The following COL28A1 variants were observed in gnomAD, a reference collection of about 807,000 sequenced individuals.
COL28A1 encodes collagen alpha-1(XXVIII) chain.
COL28A1 carries 161 observed loss-of-function variants against 150.2 expected under a neutral mutation model. The ratio of observed to expected loss-of-function variants is 1.07; its 90% CI spans 0.94 to 1.22. COL28A1 has a LOEUF of 1.22. Ranked by LOEUF, COL28A1 falls within the 50% of genes most tolerant of loss-of-function variation. The pLI, the probability that COL28A1 is intolerant of heterozygous loss-of-function variation, is 0.00. For synonymous variants in COL28A1, 552 were observed against 469.7 expected, an observed-to-expected ratio of 1.18 and a Z score of -2.26; for missense variants, 1,617 against 1,388.3, an observed-to-expected ratio of 1.16 and a Z score of -2.62.
chr7:7,511,008 A>C (rs1781102886), intron 9 of COL28A1, 83 bp downstream of exon 9: 1 of 1,081,502 alleles, frequency 9.2e-7, no homozygotes, highest in East Asian at 2.4e-5. Context: ...AGATCACCAT[A>C]ATTCAGCCCA....
At position 7,358,646 on chromosome 7, in the gene COL28A1, C is replaced by A. The variant is rs962636979; in HGVS notation, c.3365G>T (p.Cys1122Phe). The A allele has an allele frequency of 6.2e-7, 1 of 1,613,764 alleles. No individual in the cohort carries two copies. Among genetic ancestry groups the A allele is most frequent in the East Asian group, 2.2e-5 (1 of 44,866 alleles). The change falls in exon 35 of 35, where the codon TGC becomes TTC. Residue 1122 changes from cysteine (C) to phenylalanine (F), a missense_variant. By Grantham distance (205) the Cys-to-Phe change is radical. Coordinates refer to ENST00000399429, the MANE Select transcript of COL28A1 (RefSeq NM_001037763.3). Reference protein sequence around the residue: ...FNSEKECQETCIQG With the variant: ...FNSEKECQETFIQG ...CAATTTACTTGCTCATCCTTGAATGCAGGTTTCTTGACATTCCTTTTCACT... is the reference window on the plus strand; with the variant it reads ...CAATTTACTTGCTCATCCTTGAATGAAGGTTTCTTGACATTCCTTTTCACT...
At chr7:7,475,199 G>T (rs1014851847) in intron 14 of COL28A1, among the ~76,000 whole-genome samples, 3 of 151,994 alleles carry the variant, frequency 2.0e-5, no homozygotes, top group Non-Finnish European at 4.4e-5. Context: ...GTTACATGAC[G>T]TAAGTGAACA....
At chr7:7,543,618 A>C in the COL28A1 span, among the ~76,000 whole-genome samples, 1 of 152,178 alleles carries the variant, frequency 6.6e-6, no homozygotes, top group East Asian at 1.9e-4. Context: ...ATATAGCAGC[A>C]TACCACTATG....
intron 23 of COL28A1, among the ~76,000 whole-genome samples, chr7:7,433,127 T>C (rs1164118731): frequency 6.6e-6 from 1 of 152,130 alleles, no homozygotes; most frequent in South Asian, 2.1e-4. Flanking sequence ...TAGGGAAAAG[T>C]TGTAAATATT....
chr7:7,522,231 T>G (rs1454436278), intron 4 of COL28A1: 1 of 472,904 alleles, frequency 2.1e-6, no homozygotes, highest in Non-Finnish European at 3.9e-6. Context: ...AATTTCAGCA[T>G]AGTTAAATAA....
At chr7:7,415,492 T>C (rs896372123) in intron 27 of COL28A1, among the ~76,000 whole-genome samples, 2 of 152,208 alleles carry the variant, frequency 1.3e-5, no homozygotes, top group Admixed American at 6.5e-5. Context: ...TGCTACCAAC[T>C]GGATGCCAGG....
chr7:7,454,244 A>C (rs1051796246), intron 16 of COL28A1, among the ~76,000 whole-genome samples: 8 of 152,156 alleles, frequency 5.3e-5, no homozygotes, highest in African/African-American at 1.9e-4. Context: ...TTCCCTCATA[A>C]ACACATGAGG....
chr7:7,449,621 G>T (rs960600183), intron 18 of COL28A1, among the ~76,000 whole-genome samples: 2 of 151,658 alleles, frequency 1.3e-5, no homozygotes, highest in Non-Finnish European at 1.5e-5. Context: ...GACTGAAAAA[G>T]CAAGAGATTC....
At chr7:7,407,171 G>T (rs1233094982) in intron 27 of COL28A1, among the ~76,000 whole-genome samples, 1 of 151,866 alleles carries the variant, frequency 6.6e-6, no homozygotes, top group Non-Finnish European at 1.5e-5. Flanking sequence ...ATATAAAAAA[G>T]ATATGTATAG....
intron 20 of COL28A1, among the ~76,000 whole-genome samples, chr7:7,442,099 T>C (rs1478862136): frequency 6.6e-6 from 1 of 152,210 alleles, no homozygotes; most frequent in African/African-American, 2.4e-5. Context: ...CTATGTAACA[T>C]GTTCCTACCA....
chr7:7,513,954 C>G (rs1357523283), intron 8 of COL28A1, among the ~76,000 whole-genome samples: 3 of 152,216 alleles, frequency 2.0e-5, no homozygotes, highest in Non-Finnish European at 4.4e-5. Flanking sequence ...CAGATCAGCT[C>G]TGTTCTCAGC....
At chr7:7,448,443 T>A (rs371031721) in intron 18 of COL28A1, among the ~76,000 whole-genome samples, 1 of 151,710 alleles carries the variant, frequency 6.6e-6, no homozygotes, top group South Asian at 2.1e-4. Context: ...ACTATAATTC[T>A]ATAACCAGAA....
intron 25 of COL28A1, among the ~76,000 whole-genome samples, chr7:7,428,431 G>A (rs1784762649): frequency 6.6e-6 from 1 of 152,168 alleles, no homozygotes; most frequent in South Asian, 2.1e-4. Context: ...CCTTTTCTAT[G>A]AGGCCAGAAA....
At position 7,466,134 on chromosome 7, in the gene COL28A1, G is replaced by A. The variant is rs1274395459; in HGVS notation, c.1302+8467C>T. Among the ~76,000 whole-genome samples, 3 of 135,300 alleles carry A rather than the reference G, an allele frequency of 2.2e-5. No individual in the cohort carries two copies. The Admixed American group carries it at 2.3e-4, about 11-fold the overall frequency. The allele number at this position is 135,300 out of a possible 152,430, so 88.8% of individuals were successfully genotyped here. A position where few individuals can be genotyped will look rare whatever the true frequency, so the allele number is the denominator to read the frequency against. ...GACTTTGAAGAGCTGAGAGAAGAAG[G>A]CTTCAGACGATCAAATTACTCTGAG... On this transcript the variant is annotated intron_variant, in intron 15 of 34. Coordinates refer to ENST00000399429, the MANE Select transcript of COL28A1 (RefSeq NM_001037763.3).
chr7:7,431,286 G>T (rs1214517196), intron 25 of COL28A1: 1 of 243,864 alleles, frequency 4.1e-6, no homozygotes, highest in Non-Finnish European at 8.5e-6. Flanking sequence ...CTACTGAATG[G>T]TACACCTAGT....
chr7:7,401,323 A>G (rs1317540808), intron 27 of COL28A1, among the ~76,000 whole-genome samples: 2 of 151,956 alleles, frequency 1.3e-5, no homozygotes, highest in African/African-American at 2.4e-5. Context: ...ATCCAGTCTC[A>G]AGACTTTAAA....
chr7:7,391,789 T>C (rs1032120864), intron 27 of COL28A1, among the ~76,000 whole-genome samples: 1 of 139,650 alleles, frequency 7.2e-6, no homozygotes, highest in African/African-American at 2.6e-5. Context: ...GAGACTAGGA[T>C]TGCAACCCCT....
At chr7:7,430,611 G>C (rs190314664) in intron 25 of COL28A1, among the ~76,000 whole-genome samples, 15 of 152,172 alleles carry the variant, frequency 9.9e-5, no homozygotes, top group Admixed American at 9.8e-4. Flanking sequence ...ACATATTCTA[G>C]TATATATTTA....
chr7:7,537,692 C>T (rs1235593525), upstream of COL28A1, among the ~76,000 whole-genome samples: 1 of 152,054 alleles, frequency 6.6e-6, no homozygotes, highest in Non-Finnish European at 1.5e-5. Context: ...AAACAGGTTT[C>T]GAGGAACTGA....
Sources: allele counts gnomAD v4.1 joint callset (sites outside exome capture counted in the v4.1 genomes callset), GRCh38; gene constraint gnomAD v4.1.1; transcripts MANE v1.5; gene names NCBI Gene and HGNC (gene_info 2026-07-23, HGNC 2026-07-21).